The following SPON1 variants were observed in gnomAD, a reference collection of about 807,000 sequenced individuals.
SPON1 encodes the protein spondin 1, also known as spondin-1.
In SPON1, 52 loss-of-function variants were observed where a neutral mutation model predicts 111.7. The ratio of observed to expected loss-of-function variants is 0.47; its 90% CI spans 0.37 to 0.59. The LOEUF (loss-of-function observed/expected upper bound fraction) is 0.59, where lower values mean the gene tolerates loss of function less well. Among genes scored for constraint, SPON1 ranks in the 20% least tolerant of loss-of-function variants. The pLI, the probability that SPON1 is intolerant of heterozygous loss-of-function variation, is 0.00. For missense variants in SPON1, 957 were observed against 1,068.5 expected (o/e 0.90, Z 1.46); for synonymous variants, 410 against 395.8 (o/e 1.04, Z -0.43).
intron 6 of SPON1, among the ~76,000 whole-genome samples, chr11:14,203,231 A>C (rs544828875): frequency 1.1e-3 from 169 of 152,330 alleles, no homozygotes; most frequent in Non-Finnish European, 2.0e-3. Context: ...TTTCTATTTT[A>C]TGAAACCTCT....
chr11:14,004,383 GTTTAT>G (rs1848343306), intron 2 of SPON1, among the ~76,000 whole-genome samples: 1 of 152,160 alleles, frequency 6.6e-6, no homozygotes, highest in Admixed American at 6.5e-5. Flanking sequence ...TCATATGATA[GTTTAT>G]TTTTAGTTGA....
chr11:14,031,658 G>A (rs1199086943), intron 2 of SPON1, among the ~76,000 whole-genome samples: 1 of 1,432 alleles, frequency 7.0e-4, no homozygotes, highest in African/African-American at 1.4e-3. Context: ...AAACAGTGGA[G>A]GATTTTTTTT....
intron 1 of SPON1, among the ~76,000 whole-genome samples, chr11:13,966,030 C>A (rs1353546932): frequency 3.3e-5 from 5 of 152,202 alleles, no homozygotes; most frequent in African/African-American, 9.7e-5. Context: ...TCTTTAGGTA[C>A]TCTAGACCGG....
At position 14,265,587 on chromosome 11, in the gene SPON1, A is replaced by G; in HGVS notation, c.2324A>G (p.Gln775Arg). The change falls in exon 16 of 16, where the codon CAG becomes CGG. Residue 775 changes from glutamine to arginine, a missense_variant. Coordinates refer to ENST00000576479, the MANE Select transcript of SPON1 (RefSeq NM_006108.4). The stretch of plus-strand genomic sequence containing the variant: ...ACCAAACTGTGCGGAGGTGGAATTC[A>G]GGAACGTTACATGACTGTAAAGAAG... ...ECTKLCGGGI[Q>R]ERYMTVKKRF... 6.2e-7 allele frequency: 1 copy of G among 1,613,756 alleles called. No homozygotes were observed. The highest frequency in any genetic ancestry group is 1.1e-5 in the South Asian group (1 of 90,974).
chr11:14,052,236 G>C (rs964884125), intron 3 of SPON1, among the ~76,000 whole-genome samples: 1 of 152,266 alleles, frequency 6.6e-6, no homozygotes, highest in African/African-American at 2.4e-5. Context: ...AGTGGGAAGA[G>C]AGGATGAGTA....
At chr11:14,038,760 A>G (rs1848612394) in intron 2 of SPON1, among the ~76,000 whole-genome samples, 1 of 152,236 alleles carries the variant, frequency 6.6e-6, no homozygotes, top group South Asian at 2.1e-4. Flanking sequence ...GTGGAAATGC[A>G]AAATGGTAAA....
chr11:14,176,982 G>A (rs1453418043), intron 6 of SPON1, among the ~76,000 whole-genome samples: 1 of 152,162 alleles, frequency 6.6e-6, no homozygotes, highest in Non-Finnish European at 1.5e-5. Flanking sequence ...GGAGACTGGA[G>A]TTTTATTATT....
intron 6 of SPON1, among the ~76,000 whole-genome samples, chr11:14,211,149 G>T (rs1227376535): frequency 1.3e-5 from 2 of 152,130 alleles, no homozygotes; most frequent in African/African-American, 4.8e-5. Context: ...GCAAGAGAAA[G>T]AAATAAAGGG....
At chr11:14,100,063 G>A (rs2133843068) in intron 5 of SPON1, among the ~76,000 whole-genome samples, 1 of 152,092 alleles carries the variant, frequency 6.6e-6, no homozygotes, top group East Asian at 1.9e-4. Flanking sequence ...TTCAATATGA[G>A]ATTTGGAGGG....
chr11:14,193,719 C>A (rs2133893187), intron 6 of SPON1, among the ~76,000 whole-genome samples: 1 of 152,250 alleles, frequency 6.6e-6, no homozygotes, highest in South Asian at 2.1e-4. Context: ...GCCTGGAATC[C>A]CTGAGGCAGT....
At chr11:14,041,735 A>G (rs1003731235) in intron 3 of SPON1, 81 bp downstream of exon 3, 53 of 1,512,708 alleles carry the variant, frequency 3.5e-5, no homozygotes, top group Middle Eastern at 1.9e-4. Context: ...AAAGTTCTTT[A>G]CTGAGCATCA....
At chr11:14,246,688 A>C (rs1311014271) in intron 7 of SPON1, among the ~76,000 whole-genome samples, 1 of 152,108 alleles carries the variant, frequency 6.6e-6, no homozygotes, top group African/African-American at 2.4e-5. Context: ...CCCCCAAAAA[A>C]AGTCCTGTGA....
At chr11:14,078,061 A>G (rs1564899693) in intron 4 of SPON1, among the ~76,000 whole-genome samples, 1 of 152,188 alleles carries the variant, frequency 6.6e-6, no homozygotes, top group Non-Finnish European at 1.5e-5. Flanking sequence ...TGCTGTGGTT[A>G]GAAGAGGAGT....
rs181974477 is a variant in SPON1, at chr11:14,260,611, C to T, written c.1855C>T (p.Pro619Ser). ...ECHTIPCLLSPWSEWSDCSVT... is the reference protein window; with the variant it reads ...ECHTIPCLLSSWSEWSDCSVT... ...AGACACCATCCCATGCTTGCTGTCC[C>T]CATGGTCCGAGTGGAGTGACTGCAG... is the stretch of plus-strand genomic sequence containing the variant. The change falls in exon 14 of 16, where the codon CCA becomes TCA. Residue 619 changes from proline (P) to serine (S), a missense_variant. Pro to Ser is a moderately conservative substitution (Grantham distance 74). This residue lies in a region of SPON1 where 549 missense variants were observed against 606.2 expected (regional missense o/e 0.91). Coordinates refer to ENST00000576479, the MANE Select transcript of SPON1 (RefSeq NM_006108.4). The T allele has an allele frequency of 4.3e-5, 70 of 1,613,828 alleles. No homozygotes were observed. In the African/African-American group the frequency reaches 6.8e-4, roughly 16 times the overall value.
intron 6 of SPON1, among the ~76,000 whole-genome samples, chr11:14,233,204 G>A (rs948959690): frequency 1.3e-5 from 2 of 152,020 alleles, no homozygotes; most frequent in Non-Finnish European, 2.9e-5. Context: ...AGTCATCCTT[G>A]ACCCCTCTTT....
rs1554940608 is a variant in SPON1 at position 14,250,705 on chromosome 11, A to G, written c.891-3823A>G. Among the ~76,000 whole-genome samples the G allele has an allele frequency of 5.3e-5, 8 of 152,234 alleles. No homozygotes were observed. The South Asian group carries it at 1.2e-3, about 24-fold the overall frequency. On this transcript the variant is annotated intron_variant, in intron 7 of 15. Coordinates refer to ENST00000576479, the MANE Select transcript of SPON1 (RefSeq NM_006108.4). ...ATTAACAAAATATATCTTGGAAGAC[A>G]TGGCATATACAAAAGCATAAAAATT...
intron 6 of SPON1, among the ~76,000 whole-genome samples, chr11:14,167,447 A>C (rs1848043107): frequency 1.3e-5 from 2 of 152,084 alleles, no homozygotes; most frequent in South Asian, 4.1e-4. Context: ...GCATGAGGCC[A>C]GCTGAATTTG....
At chr11:14,060,510 G>A (rs946614977) in intron 3 of SPON1, among the ~76,000 whole-genome samples, 2 of 152,098 alleles carry the variant, frequency 1.3e-5, no homozygotes, top group Non-Finnish European at 2.9e-5. Flanking sequence ...TTTGCAAAAG[G>A]AGTACTACCT....
At chr11:13,999,598 G>A (rs1465541505) in intron 2 of SPON1, among the ~76,000 whole-genome samples, 5 of 152,020 alleles carry the variant, frequency 3.3e-5, no homozygotes, top group African/African-American at 1.2e-4. Context: ...TAGAGATGGG[G>A]GTTTCGCCAT....
Sources: allele counts gnomAD v4.1 joint callset (sites outside exome capture counted in the v4.1 genomes callset), GRCh38; gene constraint gnomAD v4.1.1; regional missense constraint gnomAD v4.1.1; transcripts MANE v1.5; gene names NCBI Gene and HGNC (gene_info 2026-07-23, HGNC 2026-07-21).